TENM2: variants seen among roughly 807,000 people sequenced by gnomAD.
The protein encoded by TENM2 is teneurin-2.
A neutral mutation model predicts 245.2 loss-of-function variants in TENM2; 52 were observed. The observed-to-expected ratio is 0.21, with a 90% confidence interval of 0.17 to 0.27. The LOEUF is 0.27. Among genes scored for constraint, TENM2 ranks in the 10% least tolerant of loss-of-function variants. The probability of loss-of-function intolerance (pLI) is 1.00; values close to 1 mark genes in which losing one functional copy is unlikely to be tolerated. For synonymous variants in TENM2, 1,363 were observed against 1,438.9 expected, an observed-to-expected ratio of 0.95 and a Z score of 1.19; for missense variants, 3,046 against 3,666.8, an observed-to-expected ratio of 0.83 and a Z score of 4.37.
At chr5:167,286,792 G>T (rs1422287038) in intron 1 of TENM2, among the ~76,000 whole-genome samples, 1 of 152,176 alleles carries the variant, frequency 6.6e-6, no homozygotes, top group Non-Finnish European at 1.5e-5. Context: ...TTGTTGAATT[G>T]TAGATAGGCC....
chr5:168,039,747 CAT>C (rs1480805541), intron 5 of TENM2, among the ~76,000 whole-genome samples: 3 of 151,996 alleles, frequency 2.0e-5, no homozygotes, highest in Non-Finnish European at 4.4e-5. Context: ...GCTGTGAGCA[CAT>C]GTGTCTTTCT....
intron 2 of TENM2, among the ~76,000 whole-genome samples, chr5:167,611,458 C>T (rs951319638): frequency 1.3e-5 from 2 of 151,994 alleles, no homozygotes; most frequent in Non-Finnish European, 2.9e-5. Context: ...TGCATCCCTC[C>T]GTGGACCCCA....
intron 2 of TENM2, among the ~76,000 whole-genome samples, chr5:167,555,146 T>C (rs969757838): frequency 6.6e-6 from 1 of 152,156 alleles, no homozygotes; most frequent in African/African-American, 2.4e-5. Flanking sequence ...CTTGTTTCCA[T>C]TGGCTCTTGG....
At chr5:167,918,646 T>C (rs1561933376) in intron 3 of TENM2, among the ~76,000 whole-genome samples, 2 of 152,320 alleles carry the variant, frequency 1.3e-5, no homozygotes, top group Middle Eastern at 3.4e-3. Flanking sequence ...TTTTGGAAGC[T>C]GAGATGGTGA....
chr5:167,385,479 AT>A (rs1282802178), intron 2 of TENM2, among the ~76,000 whole-genome samples: 10 of 144,060 alleles, frequency 6.9e-5, no homozygotes, highest in Admixed American at 3.4e-4. Context: ...TTTGGAGTAT[AT>A]TGTGGGGTTT....
At chr5:167,060,258 T>C in the TENM2 span, among the ~76,000 whole-genome samples, 1 of 152,134 alleles carries the variant, frequency 6.6e-6, no homozygotes, top group Admixed American at 6.6e-5. Context: ...TCAACCATTG[T>C]TGCCCAATAG....
intron 4 of TENM2, among the ~76,000 whole-genome samples, chr5:167,978,676 GT>G (rs1222619970): frequency 1.3e-5 from 2 of 150,916 alleles, no homozygotes; most frequent in Non-Finnish European, 2.9e-5. Context: ...GGAATTTGAG[GT>G]TTTTTGGGGG....
intron 2 of TENM2, among the ~76,000 whole-genome samples, chr5:167,499,043 T>G (rs1408202951): frequency 6.6e-6 from 1 of 152,130 alleles, no homozygotes; most frequent in Non-Finnish European, 1.5e-5. Flanking sequence ...GTTGTTTCCA[T>G]GTGCTTTTTC....
intron 12 of TENM2, among the ~76,000 whole-genome samples, chr5:168,133,400 T>G (rs1330535279): frequency 6.6e-6 from 1 of 152,176 alleles, no homozygotes; most frequent in Non-Finnish European, 1.5e-5. Context: ...TTAGAACACA[T>G]TTGAATGAGC....
intron 2 of TENM2, among the ~76,000 whole-genome samples, chr5:167,520,417 G>C (rs1229742849): frequency 2.0e-5 from 3 of 152,084 alleles, no homozygotes; most frequent in African/African-American, 7.2e-5. Context: ...CATATTTTTA[G>C]TTAATCTTCC....
intron 5 of TENM2, 89 bp from the exon 8 acceptor site, chr5:168,047,338 C>A (rs550004780): frequency 7.5e-6 from 11 of 1,460,778 alleles, no homozygotes; most frequent in African/African-American, 1.4e-5. Context: ...AAAAGGCAAT[C>A]GCTTGGAAAA....
the TENM2 span, among the ~76,000 whole-genome samples, chr5:167,217,893 G>C: frequency 2.6e-4 from 1 of 3,826 alleles, no homozygotes; most frequent in Non-Finnish European, 3.7e-4. Context: ...ATTTCTATTG[G>C]ATGTCCCCTC....
chr5:167,236,667 C>A, the TENM2 span, among the ~76,000 whole-genome samples: 3 of 152,176 alleles, frequency 2.0e-5, no homozygotes, highest in Non-Finnish European at 2.9e-5. Flanking sequence ...AGGGCTGAAT[C>A]TGGGAATGTG....
At chr5:167,459,748 G>A (rs928095435) in intron 2 of TENM2, among the ~76,000 whole-genome samples, 3 of 151,976 alleles carry the variant, frequency 2.0e-5, no homozygotes, top group African/African-American at 7.3e-5. Flanking sequence ...ATTTTCTTTT[G>A]TAATCAGCCA....
intron 2 of TENM2, among the ~76,000 whole-genome samples, chr5:167,457,873 G>T (rs563164703): frequency 1.3e-5 from 2 of 152,154 alleles, no homozygotes; most frequent in African/African-American, 4.8e-5. Flanking sequence ...GTCATTGAGA[G>T]AGTTTTTACT....
intron 3 of TENM2, among the ~76,000 whole-genome samples, chr5:167,919,657 G>C (rs1777203956): frequency 6.6e-6 from 1 of 152,160 alleles, no homozygotes; most frequent in African/African-American, 2.4e-5. Context: ...AAACTTAAGG[G>C]GGATGCATTT....
Position 167,522,718 on chromosome 5 carries a change from T to C in TENM2, c.502+147245T>C, listed in dbSNP as rs895619474. ...TCAACTAGATTCATCTAAGGGATAA[T>C]GCCTGGATTTAGAGAGTAGCTGGCC... On this transcript the variant is annotated intron_variant, in intron 2 of 28. Transcript: ENST00000518659. Among the ~76,000 whole-genome samples the C allele has an allele frequency of 9.2e-5, 14 of 152,034 alleles. No individual in the cohort carries two copies. In the East Asian group the frequency reaches 2.7e-3, roughly 29 times the overall value.
At chr5:167,423,515 T>C (rs373792928) in intron 2 of TENM2, among the ~76,000 whole-genome samples, 14 of 152,326 alleles carry the variant, frequency 9.2e-5, no homozygotes, top group East Asian at 7.7e-4. Context: ...ATAGTGTTTA[T>C]GCAAATTAGG....
chr5:167,964,962 C>T (rs1421062920), intron 4 of TENM2, among the ~76,000 whole-genome samples: 1 of 152,064 alleles, frequency 6.6e-6, no homozygotes, highest in Non-Finnish European at 1.5e-5. Flanking sequence ...GATAGCTGCC[C>T]TATGATAAAT....
Sources: gnomAD v4.1 joint callset for allele counts (sites outside exome capture counted in the v4.1 genomes callset) on GRCh38, gnomAD v4.1.1 for gene constraint, MANE v1.5 for transcripts, NCBI Gene and HGNC (gene_info 2026-07-23, HGNC 2026-07-21) for gene names.